The following INPP5A variants were observed in gnomAD, a reference collection of about 807,000 sequenced individuals.
The protein encoded by INPP5A is 43 kDa inositol polyphosphate 5-phophatase.
In INPP5A, 14 loss-of-function variants were observed where a neutral mutation model predicts 65.2. The observed-to-expected ratio is 0.21, with a 90% CI of 0.14 to 0.34. INPP5A has a LOEUF of 0.34. Among genes scored for constraint, INPP5A ranks in the 10% least tolerant of loss-of-function variants. INPP5A has a pLI of 1.00. For missense variants in INPP5A, 431 were observed against 545.6 expected (o/e 0.79, Z 2.09); for synonymous variants, 207 against 208.3 (o/e 0.99, Z 0.05).
intron 8 of INPP5A, among the ~76,000 whole-genome samples, chr10:132,712,880 G>A (rs1590946874): frequency 6.6e-6 from 1 of 150,928 alleles, no homozygotes; most frequent in Non-Finnish European, 1.5e-5. Context: ...GTGTAGGCCT[G>A]TGTGGGTGTG....
At chr10:132,597,085 GTA>G (rs1491353722) in intron 1 of INPP5A, among the ~76,000 whole-genome samples, 2 of 152,014 alleles carry the variant, frequency 1.3e-5, no homozygotes. Context: ...GTGCGTGTGT[GTA>G]TGTGTGCATG....
At chr10:132,630,489 A>T (rs2072251076) in intron 2 of INPP5A, among the ~76,000 whole-genome samples, 1 of 151,276 alleles carries the variant, frequency 6.6e-6, no homozygotes, top group South Asian at 2.1e-4. Flanking sequence ...ATACATGAAG[A>T]GAGGCCATCC....
intron 9 of INPP5A, among the ~76,000 whole-genome samples, chr10:132,742,018 C>G (rs1298947485): frequency 6.6e-6 from 1 of 152,224 alleles, no homozygotes; most frequent in African/African-American, 2.4e-5. Flanking sequence ...CCTCACGAGT[C>G]TCCTGGAGAG....
At position 132,650,401 on chromosome 10, in the gene INPP5A, T is replaced by G; in HGVS notation, c.219-17T>G. 1 of 1,596,564 alleles carries G rather than the reference T, an allele frequency of 6.3e-7. No individual in the cohort carries two copies. Among genetic ancestry groups the G allele is most frequent in the East Asian group, 2.2e-5 (1 of 44,772 alleles). Reference sequence around the variant, plus strand: ...TCTGTGTGGCTTTTCCTCAGGAACCTACTTTCTTCCTTCCAGAGAACTATT... The same window carrying G: ...TCTGTGTGGCTTTTCCTCAGGAACCGACTTTCTTCCTTCCAGAGAACTATT... On this transcript the variant is annotated splice_polypyrimidine_tract_variant and intron_variant, in intron 3 of 15. Coordinates refer to ENST00000368594, the MANE Select transcript of INPP5A (RefSeq NM_005539.5). The surrounding 1 kb of genome is among the most constrained non-coding windows in gnomAD (Gnocchi z 5.5).
At chr10:132,656,626 C>T (rs1348419899) in intron 4 of INPP5A, among the ~76,000 whole-genome samples, 1 of 152,194 alleles carries the variant, frequency 6.6e-6, no homozygotes, top group Non-Finnish European at 1.5e-5. Flanking sequence ...GCCTGAGCCC[C>T]TCTGTGGCCA....
At position 132,704,942 on chromosome 10, in the gene INPP5A, T is replaced by C. The variant is rs1479220067; in HGVS notation, c.475-3371T>C. On this transcript the variant is annotated intron_variant, in intron 6 of 15. Coordinates refer to ENST00000368594, the MANE Select transcript of INPP5A (RefSeq NM_005539.5). This position sits in a 1 kb window ranked among gnomAD's most constrained non-coding sequence, Gnocchi z 4.5. ...CAGGCGGCAGGCAGCTCCTCTGGAG[T>C]GTGGAGGATGGAGGAAGGGCGTCTG... 1.4e-5 allele frequency among the ~76,000 whole-genome samples: 2 copies of C among 145,378 alleles called. No individual in the cohort carries two copies. Among genetic ancestry groups the C allele is most frequent in the South Asian group, 2.3e-4 (1 of 4,294 alleles).
chr10:132,781,066 T>C, intron 14 of INPP5A, 149 bp downstream of exon 14: 1 of 653,622 alleles, frequency 1.5e-6, no homozygotes, highest in South Asian at 1.7e-5. Flanking sequence ...TTCTCCTGTC[T>C]TCTTAGTCTG....
rs1433571530 is a variant in INPP5A, at chr10:132,545,212, G to A, written c.75+7041G>A. ...GGGTCTGATTTTGGGGGAAGAGGCT[G>A]GTACTGGGGTGTTTCCGTGGACTTG... On this transcript the variant is annotated intron_variant, in intron 1 of 15. Transcript: ENST00000368594. The surrounding 1 kb of genome is among the most constrained non-coding windows in gnomAD (Gnocchi z 4.6). Among the ~76,000 whole-genome samples the A allele has an allele frequency of 2.0e-5, 3 of 152,204 alleles. No homozygotes were observed. Among genetic ancestry groups the A allele is most frequent in the African/African-American group, 7.2e-5 (3 of 41,440 alleles).
intron 4 of INPP5A, among the ~76,000 whole-genome samples, chr10:132,680,530 G>A (rs537981877): frequency 1.4e-4 from 22 of 152,376 alleles, no homozygotes; most frequent in African/African-American, 3.6e-4. Flanking sequence ...CGCTCTCGGC[G>A]CCTGCTCTGC....
chr10:132,728,665 G>T (rs115862377), intron 9 of INPP5A, among the ~76,000 whole-genome samples: 109 of 152,336 alleles, frequency 7.2e-4, no homozygotes, highest in African/African-American at 2.4e-3. Flanking sequence ...AGAAGAACCC[G>T]CGAAAGACCA....
At chr10:132,604,453 G>A (rs2071818909) in intron 1 of INPP5A, among the ~76,000 whole-genome samples, 1 of 152,216 alleles carries the variant, frequency 6.6e-6, no homozygotes, top group Admixed American at 6.5e-5. Context: ...GTCAGACCCT[G>A]TTTTGTTGCC....
rs550191236 is a variant in INPP5A, at chr10:132,698,583, G to A, written c.474+664G>A. Among the ~76,000 whole-genome samples the A allele has an allele frequency of 9.2e-5, 14 of 152,342 alleles. No individual in the cohort carries two copies. The highest frequency in any genetic ancestry group is 6.5e-4 in the Admixed American group (10 of 15,308). On this transcript the variant is annotated intron_variant, in intron 6 of 15. Transcript: ENST00000368594. The surrounding 1 kb of genome is among the most constrained non-coding windows in gnomAD (Gnocchi z 5.5). ...AAACCTCACACGCGGCATTGTCGGCGTCTCCCTGGCTGTGTAGTTAACCTG... is the reference window on the plus strand; with the variant it reads ...AAACCTCACACGCGGCATTGTCGGCATCTCCCTGGCTGTGTAGTTAACCTG...
Position 132,631,936 on chromosome 10 carries a change from G to A in INPP5A, c.118-13932G>A, listed in dbSNP as rs988014421. ...TGAAGAAAATGCACAGCTTTGGGCC[G>A]TGACTTCCCCGATAGTTCCAAGGTC... On this transcript the variant is annotated intron_variant, in intron 2 of 15. Coordinates refer to ENST00000368594, the MANE Select transcript of INPP5A (RefSeq NM_005539.5). 7.2e-5 allele frequency among the ~76,000 whole-genome samples: 11 copies of A among 152,072 alleles called. No individual in the cohort carries two copies. In the South Asian group the frequency reaches 8.3e-4, roughly 12 times the overall value.
chr10:132,598,510 G>A (rs1367163328), intron 1 of INPP5A, among the ~76,000 whole-genome samples: 1 of 152,180 alleles, frequency 6.6e-6, no homozygotes, highest in East Asian at 1.9e-4. Flanking sequence ...GTCTTTTTGT[G>A]TTTGGCTTAT....
chr10:132,615,552 CT>C (rs112237680), intron 2 of INPP5A, among the ~76,000 whole-genome samples: 3,540 of 152,286 alleles, frequency 0.023, 49 homozygotes, highest in South Asian at 0.039. Context: ...GTTCACTGCG[CT>C]TGGTTTGACC....
chr10:132,574,015 T>C (rs1293591931), intron 1 of INPP5A, among the ~76,000 whole-genome samples: 1 of 94,162 alleles, frequency 1.1e-5, no homozygotes, highest in African/African-American at 5.1e-5. Context: ...TGTTGAGATG[T>C]TGGGGTGTAC....
At chr10:132,596,567 A>G (rs2071691558) in intron 1 of INPP5A, among the ~76,000 whole-genome samples, 1 of 151,996 alleles carries the variant, frequency 6.6e-6, no homozygotes. Context: ...AGCTGGGATT[A>G]CAGGCACCCA....
At chr10:132,638,836 G>T (rs1404162056) in intron 2 of INPP5A, among the ~76,000 whole-genome samples, 1 of 152,142 alleles carries the variant, frequency 6.6e-6, no homozygotes, top group African/African-American at 2.4e-5. Context: ...CCAAATTGCT[G>T]GGATTAGAGG....
chr10:132,756,791 C>T (rs1198921870), intron 11 of INPP5A, among the ~76,000 whole-genome samples: 3 of 152,344 alleles, frequency 2.0e-5, no homozygotes, highest in South Asian at 2.1e-4. Flanking sequence ...GAGAAGAAGG[C>T]GCCGTTATCA....
Sources: allele counts gnomAD v4.1 joint callset (sites outside exome capture counted in the v4.1 genomes callset), GRCh38; gene constraint gnomAD v4.1.1; non-coding constraint Gnocchi (gnomAD v3.1); transcripts MANE v1.5; gene names NCBI Gene and HGNC (gene_info 2026-07-23, HGNC 2026-07-21).